The following ZMAT4 variants were observed in gnomAD, a reference collection of about 807,000 sequenced individuals.
ZMAT4 encodes the protein zinc finger matrin-type protein 4.
A neutral mutation model predicts 28.7 loss-of-function variants in ZMAT4; 17 were observed. The observed-to-expected ratio is 0.59, with a 90% CI of 0.41 to 0.89. The LOEUF (loss-of-function observed/expected upper bound fraction) is 0.89, where lower values mean the gene tolerates loss of function less well. ZMAT4 is among the 40% of genes least tolerant of loss of function. The probability of loss-of-function intolerance (pLI) is 0.00; values close to 1 mark genes in which losing one functional copy is unlikely to be tolerated. For synonymous variants in ZMAT4, 117 were observed against 109.2 expected (o/e 1.07, Z -0.44); for missense variants, 240 against 283.8 (o/e 0.85, Z 1.11).
intron 1 of ZMAT4, among the ~76,000 whole-genome samples, chr8:40,828,194 G>C (rs901314157): frequency 1.3e-5 from 2 of 152,194 alleles, no homozygotes; most frequent in African/African-American, 4.8e-5. Context: ...ATGAAGAAAA[G>C]ATGTTTTGAT....
chr8:40,835,437 C>A (rs1366347306), intron 1 of ZMAT4, among the ~76,000 whole-genome samples: 1 of 152,252 alleles, frequency 6.6e-6, no homozygotes, highest in Non-Finnish European at 1.5e-5. Context: ...TGGGTCCCCC[C>A]ACTTTGCTAT....
At chr8:40,788,302 A>G (rs1814168498) in intron 2 of ZMAT4, among the ~76,000 whole-genome samples, 1 of 152,224 alleles carries the variant, frequency 6.6e-6, no homozygotes, top group Non-Finnish European at 1.5e-5. Flanking sequence ...AAGAATAAAT[A>G]GGCTGGGCAC....
intron 3 of ZMAT4, among the ~76,000 whole-genome samples, chr8:40,745,954 T>G (rs1554549905): frequency 6.6e-6 from 1 of 152,188 alleles, no homozygotes; most frequent in Non-Finnish European, 1.5e-5. Flanking sequence ...TCCCTTAGCT[T>G]CCCTGACACA....
At chr8:40,871,730 CATTG>C (rs1252220623) in intron 1 of ZMAT4, among the ~76,000 whole-genome samples, 3 of 152,200 alleles carry the variant, frequency 2.0e-5, no homozygotes, top group Non-Finnish European at 2.9e-5. Flanking sequence ...ACTCATCCTT[CATTG>C]ACAGCATGCA....
At chr8:40,615,545 C>T (rs941128118) in intron 5 of ZMAT4, among the ~76,000 whole-genome samples, 9 of 152,166 alleles carry the variant, frequency 5.9e-5, no homozygotes, top group Non-Finnish European at 1.3e-4. Context: ...CCATTCTCCC[C>T]GTCACTGTCA....
chr8:40,724,048 T>A (rs908220361), intron 3 of ZMAT4, among the ~76,000 whole-genome samples: 12 of 152,180 alleles, frequency 7.9e-5, no homozygotes, highest in African/African-American at 2.9e-4. Context: ...TCTGCTTAGT[T>A]TATGTGAGGT....
intron 2 of ZMAT4, among the ~76,000 whole-genome samples, chr8:40,823,502 C>CA (rs1412214578): frequency 6.6e-6 from 1 of 152,000 alleles, no homozygotes; most frequent in Non-Finnish European, 1.5e-5. Context: ...ACTAAAAATA[C>CA]AAAAAAATTA....
intron 3 of ZMAT4, among the ~76,000 whole-genome samples, chr8:40,719,411 G>A (rs774405256): frequency 1.4e-4 from 21 of 151,834 alleles, no homozygotes; most frequent in Non-Finnish European, 2.8e-4. Context: ...CATCCAACCT[G>A]GGTGTCACGC....
intron 5 of ZMAT4, among the ~76,000 whole-genome samples, chr8:40,586,188 T>C (rs891264419): frequency 2.6e-5 from 4 of 152,202 alleles, no homozygotes; most frequent in African/African-American, 4.8e-5. Context: ...GCTTTATTAA[T>C]GCACAGTTGA....
chr8:40,639,202 T>C (rs114137873), intron 5 of ZMAT4, among the ~76,000 whole-genome samples: 1,525 of 152,340 alleles, frequency 0.01, 28 homozygotes, highest in African/African-American at 0.034. Flanking sequence ...GCTGGTTTTT[T>C]TTAGCTTTTT....
At chr8:40,882,241 G>C (rs1478937106) in intron 1 of ZMAT4, among the ~76,000 whole-genome samples, 1 of 152,148 alleles carries the variant, frequency 6.6e-6, no homozygotes, top group African/African-American at 2.4e-5. Flanking sequence ...ATTAGTATGA[G>C]AAATCTATGT....
At chr8:40,588,975 T>C (rs10504028) in intron 5 of ZMAT4, among the ~76,000 whole-genome samples, 13,690 of 152,286 alleles carry the variant, frequency 0.09, 782 homozygotes, top group Admixed American at 0.18. Flanking sequence ...GCTGGAACTA[T>C]TTTGAAAGAT....
intron 2 of ZMAT4, among the ~76,000 whole-genome samples, chr8:40,768,771 C>T (rs1409234657): frequency 6.6e-6 from 1 of 152,196 alleles, no homozygotes; most frequent in Non-Finnish European, 1.5e-5. Flanking sequence ...TCACTGTTGA[C>T]TGCATCACCT....
At position 40,896,350 on chromosome 8, in the gene ZMAT4, G is replaced by T. The variant is rs1248006766; in HGVS notation, c.-5+1333C>A. 2.0e-5 allele frequency among the ~76,000 whole-genome samples: 3 copies of T among 152,166 alleles called. No homozygotes were observed. The East Asian group carries it at 5.8e-4, about 29-fold the overall frequency. ...TGGGAATCGAACTCCCCAGCTGCGG[G>T]TTTAACGGAAATCAGAGGGATGAAA... On this transcript the variant is annotated intron_variant, in intron 1 of 6. Coordinates refer to ENST00000297737, the MANE Select transcript of ZMAT4 (RefSeq NM_024645.3).
At chr8:40,656,323 G>C (rs2118838462) in intron 5 of ZMAT4, among the ~76,000 whole-genome samples, 1 of 152,162 alleles carries the variant, frequency 6.6e-6, no homozygotes, top group Non-Finnish European at 1.5e-5. Context: ...ATACGAATTG[G>C]AACACTTATA....
chr8:40,842,122 G>A (rs181011511), intron 1 of ZMAT4, among the ~76,000 whole-genome samples: 155 of 152,338 alleles, frequency 1.0e-3, no homozygotes, highest in African/African-American at 3.4e-3. Flanking sequence ...TGAACCTGTA[G>A]GTGATGCTAA....
chr8:40,893,384 G>T (rs1006531535), intron 1 of ZMAT4, among the ~76,000 whole-genome samples: 10 of 152,290 alleles, frequency 6.6e-5, no homozygotes, highest in South Asian at 6.2e-4. Context: ...CCTGACCTCT[G>T]GCTCTATATC....
At chr8:40,678,701 A>G (rs1023884622) in intron 4 of ZMAT4, among the ~76,000 whole-genome samples, 2 of 152,238 alleles carry the variant, frequency 1.3e-5, no homozygotes, top group African/African-American at 4.8e-5. Context: ...AGAAGCTCCC[A>G]TTAGACACTT....
intron 3 of ZMAT4, among the ~76,000 whole-genome samples, chr8:40,712,531 A>G (rs967115663): frequency 6.6e-6 from 1 of 152,234 alleles, no homozygotes; most frequent in African/African-American, 2.4e-5. Context: ...CCATCTTTCT[A>G]CATCCATTCT....
Sources: gnomAD v4.1 joint callset for allele counts (sites outside exome capture counted in the v4.1 genomes callset) on GRCh38, gnomAD v4.1.1 for gene constraint, MANE v1.5 for transcripts, NCBI Gene and HGNC (gene_info 2026-07-23, HGNC 2026-07-21) for gene names.